The following UTP25 variants were observed in gnomAD, a reference collection of about 807,000 sequenced individuals.
The protein encoded by UTP25 is U3 small nucleolar RNA-associated protein 25 homolog.
In UTP25, 50 loss-of-function variants were observed where a neutral mutation model predicts 78.9. The ratio of observed to expected loss-of-function variants is 0.63; its 90% confidence interval spans 0.50 to 0.80. The LOEUF (loss-of-function observed/expected upper bound fraction) is 0.80. UTP25 is among the 30% of genes least tolerant of loss of function. The pLI, the probability that UTP25 is intolerant of heterozygous loss-of-function variation, is 0.00. For synonymous variants in UTP25, 329 were observed against 336.5 expected, an observed-to-expected ratio of 0.98 and a Z score of 0.24; for missense variants, 846 against 911.3, an observed-to-expected ratio of 0.93 and a Z score of 0.92.
intron 3 of UTP25, 40 bp from the exon 4 acceptor site, chr1:209,833,145 G>A (rs1473995182): frequency 6.4e-7 from 1 of 1,568,248 alleles, no homozygotes; most frequent in Non-Finnish European, 8.6e-7. Flanking sequence ...AGTATAATTT[G>A]TGAGTAAATA....
At chr1:209,842,123 C>A in intron 8 of UTP25, 142 bp from the exon 9 acceptor site, 2 of 854,994 alleles carry the variant, frequency 2.3e-6, no homozygotes, top group Non-Finnish European at 3.6e-6. Context: ...GGGCAAGTCA[C>A]TCACCCATGT....
intron 8 of UTP25, 88 bp from the exon 9 acceptor site, chr1:209,842,177 G>T: frequency 7.5e-7 from 1 of 1,335,480 alleles, no homozygotes; most frequent in East Asian, 2.4e-5. Context: ...GATAGTACAT[G>T]AGTTGATAGA....
rs763279256 is a variant in UTP25, at chr1:209,840,926, C to G, written c.1356C>G (p.Pro452=). ...CCTCGGATATCCTCATTGCTTCCCC[C>G]CTGGGCTTGAGGACCATCATTGGTG... ...FYSSDILIAS[P]LGLRTIIGGE... is the part of the protein sequence containing the mutation. Residue 452 remains proline (P), a synonymous_variant, in exon 8 of 12, where the codon CCC becomes CCG. Transcript: ENST00000491415. 1.2e-5 allele frequency: 20 copies of G among 1,613,822 alleles called. No individual in the cohort carries two copies. The highest frequency in any genetic ancestry group is 1.7e-5 in the Admixed American group (1 of 59,990).
intron 11 of UTP25, among the ~76,000 whole-genome samples, chr1:209,847,672 T>A (rs1378451990): frequency 6.6e-6 from 1 of 152,248 alleles, no homozygotes; most frequent in Non-Finnish European, 1.5e-5. Context: ...TTTGGTTAAC[T>A]TACTGCTTTT....
At chr1:209,832,514 A>G (rs1222334774) in intron 3 of UTP25, among the ~76,000 whole-genome samples, 1 of 152,160 alleles carries the variant, frequency 6.6e-6, no homozygotes, top group Non-Finnish European at 1.5e-5. Flanking sequence ...TCTGGTTACT[A>G]TTTTAGAATA....
At chr1:209,843,960 A>G in intron 11 of UTP25, 1 of 475,402 alleles carries the variant, frequency 2.1e-6, no homozygotes, top group South Asian at 2.5e-5. Flanking sequence ...CTGTGGTTAT[A>G]CACTGCAAGA....
In UTP25 at chr1:209,852,613, C is replaced by T. The variant is rs548837407; in HGVS notation, c.*1166C>T. On this transcript the variant is annotated 3_prime_UTR_variant, in exon 12 of 12. Coordinates refer to ENST00000491415, the MANE Select transcript of UTP25 (RefSeq NM_014388.7). Reference sequence around the variant, plus strand: ...CCCTGTGTACTTTTGACATGTCCCCCATCTACTTGGGCACTGCTGTATTTT... The same window carrying T: ...CCCTGTGTACTTTTGACATGTCCCCTATCTACTTGGGCACTGCTGTATTTT... 1.3e-5 allele frequency: 2 copies of T among 152,286 alleles called. No homozygotes were observed. The highest frequency in any genetic ancestry group is 4.8e-5 in the African/African-American group (2 of 41,534). 9.4% of individuals were successfully genotyped at this position (152,286 alleles called of 1,614,324 possible). A position where few individuals can be genotyped will look rare whatever the true frequency, so the allele number is the denominator to read the frequency against.
At chr1:209,841,782 A>T (rs1386745901) in intron 8 of UTP25, among the ~76,000 whole-genome samples, 1 of 152,238 alleles carries the variant, frequency 6.6e-6, no homozygotes. Flanking sequence ...TTACCCTTCA[A>T]TATCTATTAC....
At chr1:209,840,433 G>A (rs2078160311) in intron 7 of UTP25, among the ~76,000 whole-genome samples, 1 of 152,232 alleles carries the variant, frequency 6.6e-6, no homozygotes, top group Non-Finnish European at 1.5e-5. Flanking sequence ...GCAGCTGTTA[G>A]TACATTCTGT....
intron 11 of UTP25, chr1:209,843,954 G>A (rs2078181636): frequency 4.1e-6 from 2 of 488,188 alleles, no homozygotes; most frequent in South Asian, 2.5e-5. Flanking sequence ...ATGTAGCTGT[G>A]GTTATACACT....
At chr1:209,835,406 C>T (rs1236662795) in intron 5 of UTP25, among the ~76,000 whole-genome samples, 3 of 152,116 alleles carry the variant, frequency 2.0e-5, no homozygotes, top group Admixed American at 2.0e-4. Flanking sequence ...GATTTGGAGA[C>T]CAACATCTTC....
At chr1:209,842,887 T>G (rs912499830) in intron 10 of UTP25, 192 bp downstream of exon 10, 1 of 590,902 alleles carries the variant, frequency 1.7e-6, no homozygotes, top group Non-Finnish European at 3.0e-6. Context: ...TTGGCCTAGG[T>G]CTCATAACTA....
chr1:209,846,564 G>T (rs2078197768), intron 11 of UTP25, among the ~76,000 whole-genome samples: 1 of 152,244 alleles, frequency 6.6e-6, no homozygotes, highest in Non-Finnish European at 1.5e-5. Context: ...GAAGGAGCCA[G>T]TCTTTCAAGT....
chr1:209,850,483 G>C (rs1162128471), intron 11 of UTP25, among the ~76,000 whole-genome samples: 1 of 152,208 alleles, frequency 6.6e-6, no homozygotes, highest in Admixed American at 6.5e-5. Context: ...AAAATCAGAA[G>C]CTTGTCAACA....
At position 209,854,267 on chromosome 1, in the gene UTP25, T is replaced by C. The variant is rs2078258492; in HGVS notation, c.*2820T>C. 1 of 152,224 alleles carries C rather than the reference T, an allele frequency of 6.6e-6. No individual in the cohort carries two copies. The highest frequency in any genetic ancestry group is 1.5e-5 in the Non-Finnish European group (1 of 68,030). The allele number at this position is 152,224 out of a possible 1,614,324, so 9.4% of individuals were successfully genotyped here. On this transcript the variant is annotated 3_prime_UTR_variant, in exon 12 of 12. Transcript: ENST00000491415. The stretch of plus-strand genomic sequence containing the variant: ...AAGGAACTTACCCAGAAAGTAACAC[T>C]TTTAAATGTTTTTTCTTTTCCCATA...
Position 209,833,232 on chromosome 1 carries a change from C to T in UTP25, c.436C>T (p.Pro146Ser), listed in dbSNP as rs1224443260. 3.1e-6 allele frequency: 5 copies of T among 1,613,794 alleles called. No individual in the cohort carries two copies. Among genetic ancestry groups the T allele is most frequent in the Admixed American group, 1.7e-5 (1 of 59,974 alleles). ...DPEGKEDGEEPPGTSQTSPEE... is the reference protein window; with the variant it reads ...DPEGKEDGEESPGTSQTSPEE... ...TGAGGGAAAAGAAGATGGGGAAGAGCCACCGGGCACATCACAAACATCCCC... is the reference window on the plus strand; with the variant it reads ...TGAGGGAAAAGAAGATGGGGAAGAGTCACCGGGCACATCACAAACATCCCC... The change falls in exon 4 of 12, where the codon CCA (proline) becomes TCA (serine). Residue 146 changes from proline to serine, a missense_variant. Coordinates refer to ENST00000491415, the MANE Select transcript of UTP25 (RefSeq NM_014388.7).
At position 209,828,067 on chromosome 1, in the gene UTP25, G is replaced by C. The variant is rs1205994311; in HGVS notation, c.4G>C (p.Gly2Arg). M[G>R]KRGSRSQSQL... ...GGGCAAACTTGACGTTTTCGCTATGGGCAAACGCGGGAGCCGGAGCCAGAG... is the reference window on the plus strand; with the variant it reads ...GGGCAAACTTGACGTTTTCGCTATGCGCAAACGCGGGAGCCGGAGCCAGAG... The change falls in exon 1 of 12, where the codon GGC (glycine) becomes CGC (arginine). Residue 2 changes from glycine to arginine, a missense_variant. Transcript: ENST00000491415. 1 of 1,613,938 alleles carries C rather than the reference G, an allele frequency of 6.2e-7. No individual in the cohort carries two copies.
rs149634752 is a variant in UTP25 at position 209,828,120 on chromosome 1, G to A, written c.57G>A (p.Lys19=). 1 of 1,614,128 alleles carries A rather than the reference G, an allele frequency of 6.2e-7. No individual in the cohort carries two copies. The highest frequency in any genetic ancestry group is 8.5e-7 in the Non-Finnish European group (1 of 1,180,024). Residue 19 remains lysine (K), a synonymous_variant, in exon 1 of 12, where the codon AAG becomes AAA. Coordinates refer to ENST00000491415, the MANE Select transcript of UTP25 (RefSeq NM_014388.7). ...AGCTACTCAACACCCTAACTAAAAAGCAGAAGAAACATCTTCGAGATTTCG... is the reference window on the plus strand; with the variant it reads ...AGCTACTCAACACCCTAACTAAAAAACAGAAGAAACATCTTCGAGATTTCG... The part of the protein sequence containing the change: ...QSQLLNTLTK[K]QKKHLRDFGE...
rs1259900364 is a variant in UTP25, at chr1:209,835,110, G to A, written c.598G>A (p.Glu200Lys). 1.9e-6 allele frequency: 3 copies of A among 1,613,634 alleles called. No homozygotes were observed. Among genetic ancestry groups the A allele is most frequent in the Non-Finnish European group, 1.7e-6 (2 of 1,179,712 alleles). Residue 200 changes from glutamate (E) to lysine (K), a missense_variant, in exon 5 of 12, where the codon GAA (glutamate) becomes AAA (lysine). By Grantham distance (56) the Glu-to-Lys change is moderately conservative (BLOSUM62 1). Coordinates refer to ENST00000491415, the MANE Select transcript of UTP25 (RefSeq NM_014388.7). ...FLQHVNKELK[E>K]KAIQAVATNP... Reference sequence around the variant, plus strand: ...TCAACATGTGAACAAAGAACTGAAAGAAAAAGCAATTCAGGCTGTTGCCAC... The same window carrying A: ...TCAACATGTGAACAAAGAACTGAAAAAAAAAGCAATTCAGGCTGTTGCCAC...
Sources: allele counts gnomAD v4.1 joint callset (sites outside exome capture counted in the v4.1 genomes callset), GRCh38; gene constraint gnomAD v4.1.1; transcripts MANE v1.5; gene names NCBI Gene and HGNC (gene_info 2026-07-23, HGNC 2026-07-21).